Variants in WDR97 observed in about 807,000 individuals in gnomAD.
The protein encoded by WDR97 is WD repeat-containing protein 97.
In WDR97, 111 loss-of-function variants were observed where a neutral mutation model predicts 65.4. That is an observed-to-expected ratio of 1.70 (90% CI 1.45 to 1.99). The LOEUF (loss-of-function observed/expected upper bound fraction) is 1.99, where lower values mean the gene tolerates loss of function less well. Ranked by LOEUF, WDR97 falls within the 30% of genes most tolerant of loss-of-function variation. WDR97 has a pLI of 0.00. For missense variants in WDR97, 1,674 were observed against 865.0 expected (o/e 1.94, Z -11.73); for synonymous variants, 802 against 397.7 (o/e 2.02, Z -12.10).
chr8:144,110,757 G>A lies in WDR97; in HGVS notation c.2171+18G>A, dbSNP rs774807765. The A allele has an allele frequency of 7.1e-6, 5 of 702,752 alleles. No individual in the cohort carries two copies. The highest frequency in any genetic ancestry group is 3.0e-5 in the South Asian group (2 of 67,608). The allele number at this position is 702,752 out of a possible 1,614,324, so 43.5% of individuals were successfully genotyped here. ...CTCCTGCGGTAGGCTAGGAGGTGGG[G>A]AGGGCTGGGGTCTCCTACCTCTGCT... On this transcript the variant is annotated intron_variant, in intron 8 of 23. Coordinates refer to ENST00000323662, the MANE Select transcript of WDR97 (RefSeq NM_001316309.2).
rs1249042400 is a variant in WDR97, at chr8:144,114,179, G to T, written c.3594+17G>T. Reference sequence around the variant, plus strand: ...AGCCTGCAGGTTGGAGGGAACTGGGGATGCATGAGAAGCATGGGTTAGGGT... The same window carrying T: ...AGCCTGCAGGTTGGAGGGAACTGGGTATGCATGAGAAGCATGGGTTAGGGT... On this transcript the variant is annotated intron_variant, in intron 18 of 23. Coordinates refer to ENST00000323662, the MANE Select transcript of WDR97 (RefSeq NM_001316309.2). 1.0e-5 allele frequency: 7 copies of T among 701,508 alleles called. No individual in the cohort carries two copies. The highest frequency in any genetic ancestry group is 1.6e-5 in the Non-Finnish European group (6 of 383,984). 43.5% of individuals were successfully genotyped at this position (701,508 alleles called of 1,614,324 possible). A position where few individuals can be genotyped will look rare whatever the true frequency, so the allele number is the denominator to read the frequency against.
rs1836558214 is a variant in WDR97, at chr8:144,111,910, CCAG to C, written c.2665_2667del (p.Gln889del). The C allele has an allele frequency of 8.5e-6, 6 of 702,514 alleles. No homozygotes were observed. The East Asian group carries it at 1.6e-4, about 19-fold the overall frequency. 43.5% of individuals were successfully genotyped at this position (702,514 alleles called of 1,614,324 possible). On this transcript the variant is annotated inframe_deletion, in exon 13 of 24. Coordinates refer to ENST00000323662, the MANE Select transcript of WDR97 (RefSeq NM_001316309.2). The stretch of plus-strand genomic sequence containing the variant: ...AGGGCATGCAGTCTGGAAGGGGGTC[CCAG>C]CAGTGGAGTGCCGGGACCCTCAGAG...
At position 144,108,356 on chromosome 8, in the gene WDR97, G is replaced by T; in HGVS notation, c.290G>T (p.Gly97Val). The part of the protein sequence containing the change: ...AELRAARLTH[G>V]LEPLRRLEVA... Reference sequence around the variant, plus strand: ...CTGCGCGCGGCGCGCCTGACGCATGGGCTGGAACCACTGCGCCGCCTGGAG... The same window carrying T: ...CTGCGCGCGGCGCGCCTGACGCATGTGCTGGAACCACTGCGCCGCCTGGAG... The change falls in exon 3 of 24, where the codon GGG becomes GTG. Residue 97 changes from glycine (G) to valine (V), a missense_variant. Physicochemically the swap from Gly to Val is moderately radical, Grantham distance 109. Transcript: ENST00000323662. 2 of 696,988 alleles carry T rather than the reference G, an allele frequency of 2.9e-6. No homozygotes were observed. The highest frequency in any genetic ancestry group is 2.4e-4 in the Middle Eastern group (1 of 4,088). The allele number at this position is 696,988 out of a possible 1,614,324, so 43.2% of individuals were successfully genotyped here. A position where few individuals can be genotyped will look rare whatever the true frequency, so the allele number is the denominator to read the frequency against.
intron 15 of WDR97, chr8:144,113,069 G>A: frequency 5.2e-6 from 2 of 385,638 alleles, no homozygotes; most frequent in Non-Finnish European, 9.4e-6. Flanking sequence ...GCTCTTCATT[G>A]CCCTTTCTCC....
Position 144,116,361 on chromosome 8 carries a change from G to A in WDR97, c.*68G>A. The A allele has an allele frequency of 3.5e-6, 2 of 568,264 alleles. No individual in the cohort carries two copies. Among genetic ancestry groups the A allele is most frequent in the South Asian group, 2.3e-5 (1 of 44,430 alleles). 35.2% of individuals were successfully genotyped at this position (568,264 alleles called of 1,614,324 possible). On this transcript the variant is annotated 3_prime_UTR_variant, in exon 24 of 24. Coordinates refer to ENST00000323662, the MANE Select transcript of WDR97 (RefSeq NM_001316309.2). ...TTGGTATTTGGCCAAGGCCTGCATC[G>A]GGAATAAAGTCCAGAGAATTTCTTT... is the stretch of plus-strand genomic sequence containing the variant.
intron 5 of WDR97, 26 bp downstream of exon 5, chr8:144,110,060 TG>T (rs1836514309): frequency 4.3e-6 from 3 of 696,044 alleles, no homozygotes; most frequent in Non-Finnish European, 7.9e-6. Context: ...GGCGAGGGTC[TG>T]GCGGGCGGAA....
Position 144,116,656 on chromosome 8 carries a change from C to T in WDR97, c.*363C>T, listed in dbSNP as rs1564324723. ...TTAGAGAACGTGTCCTGGGCCAGCC[C>T]ACAGCCTGGTGTGGAGGGGAGTCCG... On this transcript the variant is annotated 3_prime_UTR_variant, in exon 24 of 24. Coordinates refer to ENST00000323662, the MANE Select transcript of WDR97 (RefSeq NM_001316309.2). 3 of 189,302 alleles carry T rather than the reference C, an allele frequency of 1.6e-5. No individual in the cohort carries two copies. The highest frequency in any genetic ancestry group is 3.2e-5 in the Non-Finnish European group (3 of 93,156). The allele number at this position is 189,302 out of a possible 1,614,324, so 11.7% of individuals were successfully genotyped here. A position where few individuals can be genotyped will look rare whatever the true frequency, so the allele number is the denominator to read the frequency against.
At position 144,108,069 on chromosome 8, in the gene WDR97, C is replaced by T. The variant is rs1474156566; in HGVS notation, c.123C>T (p.Phe41=). The change falls in exon 2 of 24, where the codon TTC becomes TTT. Residue 41 remains phenylalanine (F), a synonymous_variant. Transcript: ENST00000323662. ...AGTTCCTGCCCGCAGAGTTGACTTT[C>T]ACGGAGCCGTCGCAGGTCCTGCCCT... The part of the protein sequence containing the change: ...GLLTEKNELT[F]TEPSQVLPFL... The T allele has an allele frequency of 1.4e-6, 1 of 702,780 alleles. No homozygotes were observed. The highest frequency in any genetic ancestry group is 2.6e-6 in the Non-Finnish European group (1 of 385,010). 43.5% of individuals were successfully genotyped at this position (702,780 alleles called of 1,614,324 possible).
rs1814784723 is a variant in WDR97 at position 144,117,487 on chromosome 8, C to T, written c.*1194C>T. ...GCTGGGTCACAGAGTGGCCAAGGCC[C>T]TCTGATTTTTGGTCAGGACACAGAA... On this transcript the variant is annotated 3_prime_UTR_variant, in exon 24 of 24. Coordinates refer to ENST00000323662, the MANE Select transcript of WDR97 (RefSeq NM_001316309.2). The T allele has an allele frequency of 6.6e-6, 1 of 152,540 alleles. No homozygotes were observed. Among genetic ancestry groups the T allele is most frequent in the African/African-American group, 2.4e-5 (1 of 41,444 alleles). The allele number at this position is 152,540 out of a possible 1,614,324, so 9.4% of individuals were successfully genotyped here. A position where few individuals can be genotyped will look rare whatever the true frequency, so the allele number is the denominator to read the frequency against.
intron 21 of WDR97, 121 bp downstream of exon 21, chr8:144,115,032 GGCCTCC>G: frequency 1.7e-6 from 1 of 605,422 alleles, no homozygotes; most frequent in Non-Finnish European, 2.9e-6. Context: ...CCCAGTCCTG[GGCCTCC>G]AGCCTCCCTG....
rs1385426244 is a variant in WDR97 at position 144,116,229 on chromosome 8, TCCTGCAGCCGGC to T, written c.4814_4825del (p.Pro1605_Gln1608del). Reference sequence around the variant, plus strand: ...CCCCCGCGCCCGCTGCCCCCGCGGCTCCTGCAGCCGGCCCTGCAGCGCTACTTTCTGCCAGCG... The same window carrying T: ...CCCCCGCGCCCGCTGCCCCCGCGGCTCCTGCAGCGCTACTTTCTGCCAGCG... On this transcript the variant is annotated inframe_deletion, in exon 24 of 24. Transcript: ENST00000323662. 5 of 681,960 alleles carry T rather than the reference TCCTGCAGCCGGC, an allele frequency of 7.3e-6. No individual in the cohort carries two copies. Among genetic ancestry groups the T allele is most frequent in the Non-Finnish European group, 1.3e-5 (5 of 373,834 alleles). 42.2% of individuals were successfully genotyped at this position (681,960 alleles called of 1,614,324 possible). A position where few individuals can be genotyped will look rare whatever the true frequency, so the allele number is the denominator to read the frequency against.
At chr8:144,111,266 C>A (rs1156770388) in intron 10 of WDR97, 44 bp downstream of exon 10, 1 of 702,714 alleles carries the variant, frequency 1.4e-6, no homozygotes, top group Non-Finnish European at 2.6e-6. Flanking sequence ...CCCTCCTTTC[C>A]CACTCTGGGT....
chr8:144,115,887 GC>G lies in WDR97; in HGVS notation c.4595+30del, dbSNP rs1564324118. ...CGCGGGGCCTGCGCCGGCGGGGCCT[GC>G]GTGGGGCAGCCAAGCGTGGGGCTGG... On this transcript the variant is annotated intron_variant, in intron 22 of 23. Coordinates refer to ENST00000323662, the MANE Select transcript of WDR97 (RefSeq NM_001316309.2). 5.7e-6 allele frequency: 4 copies of G among 698,600 alleles called. No homozygotes were observed. The South Asian group carries it at 5.9e-5, about 10-fold the overall frequency. The allele number at this position is 698,600 out of a possible 1,614,324, so 43.3% of individuals were successfully genotyped here.
rs768792114 is a variant in WDR97 at position 144,116,265 on chromosome 8, C to A, written c.4841C>A (p.Ala1614Glu). 3.0e-6 allele frequency: 2 copies of A among 658,496 alleles called. No individual in the cohort carries two copies. The highest frequency in any genetic ancestry group is 3.2e-5 in the South Asian group (2 of 62,404). The allele number at this position is 658,496 out of a possible 1,614,324, so 40.8% of individuals were successfully genotyped here. A position where few individuals can be genotyped will look rare whatever the true frequency, so the allele number is the denominator to read the frequency against. Residue 1614 changes from alanine (A) to glutamate (E), a missense_variant, in exon 24 of 24, where the codon GCG becomes GAG. By Grantham distance (107) the Ala-to-Glu change is moderately radical. Transcript: ENST00000323662. ...QPALQRYFLP[A>E]DADPDTYS ...GCCCTGCAGCGCTACTTTCTGCCAG[C>A]GGACGCGGACCCTGACACCTACAGC...
rs1402746759 is a variant in WDR97, at chr8:144,108,993, C to T, written c.878+49C>T. The T allele has an allele frequency of 1.3e-5, 9 of 703,076 alleles. No homozygotes were observed. In the East Asian group the frequency reaches 1.9e-4, roughly 15 times the overall value. The allele number at this position is 703,076 out of a possible 1,614,324, so 43.6% of individuals were successfully genotyped here. On this transcript the variant is annotated intron_variant, in intron 3 of 23. Transcript: ENST00000323662. Reference sequence around the variant, plus strand: ...GGCCAGGCATGTAGGGGCACACGGCCCTCACACACAAGGCGATGTTAAGTC... The same window carrying T: ...GGCCAGGCATGTAGGGGCACACGGCTCTCACACACAAGGCGATGTTAAGTC...
Position 144,110,710 on chromosome 8 carries a change from C to T in WDR97, c.2142C>T (p.Arg714=). 1.4e-6 allele frequency: 1 copy of T among 702,812 alleles called. No homozygotes were observed. Among genetic ancestry groups the T allele is most frequent in the Non-Finnish European group, 2.6e-6 (1 of 385,000 alleles). The allele number at this position is 702,812 out of a possible 1,614,324, so 43.5% of individuals were successfully genotyped here. The part of the protein sequence containing the change: ...YACSSLDCTV[R]IWTAENRLLR... ...GCTCCAGCCTGGACTGCACCGTTCG[C>T]ATCTGGACTGCTGAGAACCGCCTCC... Residue 714 remains arginine, a synonymous_variant, in exon 8 of 24, where the codon CGC becomes CGT. Coordinates refer to ENST00000323662, the MANE Select transcript of WDR97 (RefSeq NM_001316309.2).
chr8:144,111,124 C>T lies in WDR97; in HGVS notation c.2328C>T (p.Asp776=), dbSNP rs747543628. 1.6e-4 allele frequency: 112 copies of T among 702,800 alleles called. 4 individuals are homozygous for T. Among genetic ancestry groups the T allele is most frequent in the Admixed American group, 5.4e-4 (27 of 50,022 alleles). 43.5% of individuals were successfully genotyped at this position (702,800 alleles called of 1,614,324 possible). A position where few individuals can be genotyped will look rare whatever the true frequency, so the allele number is the denominator to read the frequency against. The change falls in exon 10 of 24, where the codon GAC becomes GAT. Residue 776 remains aspartate, a synonymous_variant. Transcript: ENST00000323662. ...LVKKMCRKAP[D]VVDDPPLPLM... ...AGAAGATGTGCCGGAAGGCCCCAGA[C>T]GTGGTGGACGACCCTCCGCTGCCAC...
intron 15 of WDR97, chr8:144,113,019 G>T (rs4977194): frequency 1.6e-5 from 5 of 304,460 alleles, no homozygotes; most frequent in Admixed American, 4.8e-5. Context: ...CACCTGCCCA[G>T]GTGGGTAATT....
chr8:144,109,511 C>T lies in WDR97; in HGVS notation c.1177C>T (p.Arg393Cys). Residue 393 changes from arginine (R) to cysteine (C), a missense_variant, in exon 5 of 24, where the codon CGC (arginine) becomes TGC (cysteine). By Grantham distance (180) the Arg-to-Cys change is radical. Transcript: ENST00000323662. The stretch of plus-strand genomic sequence containing the variant: ...CGTGGGCCGTCTGCTGGCGCCGGTG[C>T]GCCCGGGCTGGCCGGTGCTGTCCCT... ...RRVGRLLAPV[R>C]PGWPVLSLCA... 1 of 696,448 alleles carries T rather than the reference C, an allele frequency of 1.4e-6. No homozygotes were observed. The highest frequency in any genetic ancestry group is 2.6e-6 in the Non-Finnish European group (1 of 382,014). The allele number at this position is 696,448 out of a possible 1,614,324, so 43.1% of individuals were successfully genotyped here.
Sources: gnomAD v4.1 joint callset for allele counts on GRCh38, gnomAD v4.1.1 for gene constraint, MANE v1.5 for transcripts, NCBI Gene and HGNC (gene_info 2026-07-23, HGNC 2026-07-21) for gene names.